The following DSCAM variants were observed in gnomAD, a reference collection of about 807,000 sequenced individuals.
DSCAM encodes cell adhesion molecule DSCAM.
In DSCAM, 47 loss-of-function variants were observed where a neutral mutation model predicts 217.7. The ratio of observed to expected loss-of-function variants is 0.22; its 90% confidence interval spans 0.17 to 0.28. The LOEUF (loss-of-function observed/expected upper bound fraction) is 0.28, where lower values mean the gene tolerates loss of function less well. Among genes scored for constraint, DSCAM ranks in the 10% least tolerant of loss-of-function variants. The pLI is 1.00. For synonymous variants in DSCAM, 1,056 were observed against 1,015.3 expected (o/e 1.04, Z -0.76); for missense variants, 2,080 against 2,618.3 (o/e 0.79, Z 4.49).
chr21:40,528,013 C>T (rs1436457797), intron 3 of DSCAM, among the ~76,000 whole-genome samples: 2 of 152,162 alleles, frequency 1.3e-5, no homozygotes, highest in Non-Finnish European at 2.9e-5. Flanking sequence ...CTCAAAATAT[C>T]ACAGCTCCTT....
At chr21:40,028,669 G>C (rs1249925992) in intron 32 of DSCAM, among the ~76,000 whole-genome samples, 2 of 152,156 alleles carry the variant, frequency 1.3e-5, no homozygotes, top group Admixed American at 1.3e-4. Flanking sequence ...CTGACCCTTT[G>C]TGCTTCCCGA....
intron 3 of DSCAM, among the ~76,000 whole-genome samples, chr21:40,544,997 C>T (rs1231164521): frequency 2.0e-5 from 3 of 151,196 alleles, no homozygotes; most frequent in Admixed American, 6.6e-5. Context: ...ATTCATTTGT[C>T]GAAATTATAA....
At chr21:40,622,385 A>G (rs1183791598) in intron 3 of DSCAM, among the ~76,000 whole-genome samples, 1 of 152,118 alleles carries the variant, frequency 6.6e-6, no homozygotes, top group Non-Finnish European at 1.5e-5. Context: ...TTACAAACCT[A>G]TAGTCTGTAG....
chr21:40,293,686 G>A (rs2073921392), intron 10 of DSCAM, among the ~76,000 whole-genome samples: 1 of 152,166 alleles, frequency 6.6e-6, no homozygotes, highest in Non-Finnish European at 1.5e-5. Context: ...GCCAGGCTTG[G>A]TGGTGTACAC....
intron 3 of DSCAM, among the ~76,000 whole-genome samples, chr21:40,474,876 C>A (rs1375822339): frequency 2.6e-5 from 4 of 152,108 alleles, no homozygotes. Context: ...TGCGAGGGAG[C>A]CCTGCTCATT....
intron 32 of DSCAM, among the ~76,000 whole-genome samples, chr21:40,037,041 C>A (rs965637086): frequency 2.0e-5 from 3 of 150,232 alleles, no homozygotes; most frequent in Non-Finnish European, 2.9e-5. Flanking sequence ...CTATCTATGA[C>A]AAACCCACAG....
chr21:40,205,536 G>T (rs2091114758), intron 11 of DSCAM, among the ~76,000 whole-genome samples: 1 of 151,394 alleles, frequency 6.6e-6, no homozygotes, highest in African/African-American at 2.4e-5. Context: ...CCGGGAGATG[G>T]AGGTTGCAGT....
intron 3 of DSCAM, among the ~76,000 whole-genome samples, chr21:40,401,856 C>T (rs964379023): frequency 2.6e-5 from 4 of 151,910 alleles, no homozygotes; most frequent in African/African-American, 4.8e-5. Flanking sequence ...GCCATGGGCC[C>T]GTCTTGCCAG....
intron 3 of DSCAM, among the ~76,000 whole-genome samples, chr21:40,645,402 T>C (rs9982430): frequency 0.38 from 57,879 of 151,928 alleles, 11,841 homozygotes; most frequent in East Asian, 0.6. Context: ...TGATGATACA[T>C]AAAGATGAAA....
At chr21:40,575,829 G>A (rs534254315) in intron 3 of DSCAM, among the ~76,000 whole-genome samples, 116 of 151,182 alleles carry the variant, frequency 7.7e-4, no homozygotes, top group African/African-American at 2.7e-3. Flanking sequence ...GAAAAATTAG[G>A]CAAATGACCT....
At chr21:40,069,752 AAT>A (rs1251561274) in intron 27 of DSCAM, among the ~76,000 whole-genome samples, 1 of 152,140 alleles carries the variant, frequency 6.6e-6, no homozygotes, top group Non-Finnish European at 1.5e-5. Context: ...GTGGAATTGA[AAT>A]AGTCTCATAA....
At chr21:40,612,698 G>C (rs2146281437) in intron 3 of DSCAM, among the ~76,000 whole-genome samples, 1 of 152,232 alleles carries the variant, frequency 6.6e-6, no homozygotes, top group Middle Eastern at 3.4e-3. Context: ...TGTTATCAAA[G>C]GGTTTTGATA....
chr21:40,033,286 G>A (rs889964200), intron 32 of DSCAM, among the ~76,000 whole-genome samples: 1 of 152,314 alleles, frequency 6.6e-6, no homozygotes, highest in South Asian at 2.1e-4. Context: ...ACTAGGGAGT[G>A]CCAGACAGTG....
intron 9 of DSCAM, among the ~76,000 whole-genome samples, chr21:40,299,992 C>T (rs1220295928): frequency 6.6e-6 from 1 of 152,070 alleles, no homozygotes; most frequent in East Asian, 1.9e-4. Context: ...ACTCCTAGTT[C>T]CATCCTTTGA....
At chr21:40,394,643 A>C (rs900436872) in intron 3 of DSCAM, among the ~76,000 whole-genome samples, 1 of 152,218 alleles carries the variant, frequency 6.6e-6, no homozygotes, top group African/African-American at 2.4e-5. Context: ...CCCTGCACAG[A>C]AGTATTTACA....
intron 3 of DSCAM, among the ~76,000 whole-genome samples, chr21:40,666,751 G>A (rs1238098993): frequency 6.6e-6 from 1 of 152,220 alleles, no homozygotes; most frequent in Non-Finnish European, 1.5e-5. Flanking sequence ...GTTGCGGTTA[G>A]CGCTAGACAA....
At chr21:40,046,588 G>A (rs749022794) in intron 30 of DSCAM, among the ~76,000 whole-genome samples, 1 of 152,150 alleles carries the variant, frequency 6.6e-6, no homozygotes, top group African/African-American at 2.4e-5. Flanking sequence ...AGGCACTATC[G>A]ACTTGATAAG....
intron 28 of DSCAM, among the ~76,000 whole-genome samples, chr21:40,061,570 A>C (rs1266920741): frequency 6.8e-5 from 7 of 102,732 alleles, no homozygotes; most frequent in East Asian, 3.2e-4. Context: ...ACTCTGTCCC[A>C]AAAAAAAAAA....
chr21:40,081,227 C>A (rs1214976582), intron 24 of DSCAM, among the ~76,000 whole-genome samples: 1 of 152,174 alleles, frequency 6.6e-6, no homozygotes, highest in Non-Finnish European at 1.5e-5. Flanking sequence ...TCCTTCTCCA[C>A]CCTGGCTAGC....
Sources: gnomAD v4.1 joint callset for allele counts (sites outside exome capture counted in the v4.1 genomes callset) on GRCh38, gnomAD v4.1.1 for gene constraint, MANE v1.5 for transcripts, NCBI Gene and HGNC (gene_info 2026-07-23, HGNC 2026-07-21) for gene names.